The following ADGB variants were observed in gnomAD, a reference collection of about 807,000 sequenced individuals.
ADGB encodes calpain-7-like protein.
In ADGB, 172 loss-of-function variants were observed where a neutral mutation model predicts 210.5. The ratio of observed to expected loss-of-function variants is 0.82; its 90% CI spans 0.72 to 0.93. ADGB has a LOEUF of 0.93. Ranked by LOEUF, ADGB falls within the 40% of genes least tolerant of loss-of-function variation. ADGB has a pLI of 0.00. For missense variants in ADGB, 2,025 were observed against 1,964.8 expected (o/e 1.03, Z -0.58); for synonymous variants, 658 against 662.7 (o/e 0.99, Z 0.11).
In ADGB at chr6:146,767,561, G is replaced by A. The variant is rs149503000; in HGVS notation, c.3751-1459G>A. Among the ~76,000 whole-genome samples the A allele has an allele frequency of 3.8e-3, 579 of 152,040 alleles. 4 individuals are homozygous for A. Among genetic ancestry groups the A allele is most frequent in the African/African-American group, 0.013 (542 of 41,470 alleles). On this transcript the variant is annotated intron_variant, in intron 28 of 35. Coordinates refer to ENST00000397944, the MANE Select transcript of ADGB (RefSeq NM_024694.4). Reference sequence around the variant, plus strand: ...TCAGCTCACTGCAATCTCCACCTACGGGGTTCAAGTGATTCTCTCGTCTCA... The same window carrying A: ...TCAGCTCACTGCAATCTCCACCTACAGGGTTCAAGTGATTCTCTCGTCTCA...
chr6:146,709,668 GA>G (rs1364760410), intron 13 of ADGB, among the ~76,000 whole-genome samples: 2 of 152,174 alleles, frequency 1.3e-5, no homozygotes, highest in African/African-American at 2.4e-5. Flanking sequence ...GGGTGGCCTG[GA>G]CCCTAGGCCT....
At position 146,691,256 on chromosome 6, in the gene ADGB, A is replaced by G; in HGVS notation, c.1452A>G (p.Gln484=). Residue 484 remains glutamine (Q), a synonymous_variant, in exon 11 of 36, where the codon CAA becomes CAG. Transcript: ENST00000397944. ...TACCTCCCTGGAAACTCATTCGTCA[A>G]AAAAAGGAAACTGTTATAACAGATG... is the stretch of plus-strand genomic sequence containing the variant. The part of the protein sequence containing the change: ...PPLPPWKLIR[Q]KKETVITDEA... 2 of 1,547,766 alleles carry G rather than the reference A, an allele frequency of 1.3e-6. No individual in the cohort carries two copies. The highest frequency in any genetic ancestry group is 2.4e-5 in the South Asian group (2 of 83,848).
Position 146,736,558 on chromosome 6 carries a change from T to C in ADGB, c.2855T>C (p.Met952Thr). The C allele has an allele frequency of 6.5e-7, 1 of 1,549,728 alleles. No individual in the cohort carries two copies. The highest frequency in any genetic ancestry group is 1.2e-5 in the South Asian group (1 of 83,696). Residue 952 changes from methionine to threonine, a missense_variant, in exon 23 of 36, where the codon ATG becomes ACG. By Grantham distance (81) the Met-to-Thr change is moderately conservative. Coordinates refer to ENST00000397944, the MANE Select transcript of ADGB (RefSeq NM_024694.4). ...CAAAAAGTTTGGGCTGTATTGGAAA[T>C]GAATTTAGAACAGTATGCAGTTTCT... ...TLQKVWAVLE[M>T]NLEQYAVSLL...
At chr6:146,673,918 T>C (rs1325375578) in intron 8 of ADGB, among the ~76,000 whole-genome samples, 1 of 152,104 alleles carries the variant, frequency 6.6e-6, no homozygotes, top group Non-Finnish European at 1.5e-5. Flanking sequence ...AGTGAGCAGA[T>C]GAAGGAGGCT....
At chr6:146,811,509 C>G (rs1328035621) in intron 35 of ADGB, among the ~76,000 whole-genome samples, 1 of 149,854 alleles carries the variant, frequency 6.7e-6, no homozygotes, top group African/African-American at 2.4e-5. Flanking sequence ...CAAGTAGTAA[C>G]ATTATTATAT....
chr6:146,745,836 T>G lies in ADGB; in HGVS notation c.3178-86T>G, dbSNP rs963593809. 21 of 1,005,780 alleles carry G rather than the reference T, an allele frequency of 2.1e-5. No homozygotes were observed. In the Admixed American group the frequency reaches 3.5e-4, roughly 17 times the overall value. The allele number at this position is 1,005,780 out of a possible 1,614,324, so 62.3% of individuals were successfully genotyped here. On this transcript the variant is annotated intron_variant, in intron 25 of 35. Coordinates refer to ENST00000397944, the MANE Select transcript of ADGB (RefSeq NM_024694.4). Reference sequence around the variant, plus strand: ...GGGACCTGTAGGTATATCATAATAATAAGACATTTAGCACTATTAGATATT... The same window carrying G: ...GGGACCTGTAGGTATATCATAATAAGAAGACATTTAGCACTATTAGATATT...
At chr6:146,713,548 G>T (rs1019982454) in intron 13 of ADGB, among the ~76,000 whole-genome samples, 1 of 152,106 alleles carries the variant, frequency 6.6e-6, no homozygotes, top group African/African-American at 2.4e-5. Flanking sequence ...CCTTAGAAGG[G>T]TCTATTCAAA....
intron 25 of ADGB, among the ~76,000 whole-genome samples, chr6:146,743,311 G>A (rs1052680206): frequency 1.3e-4 from 19 of 151,948 alleles, no homozygotes; most frequent in African/African-American, 4.6e-4. Context: ...ACTTCATTTT[G>A]GAAGAGACCT....
At chr6:146,659,967 AAT>A (rs1775832933) in intron 5 of ADGB, among the ~76,000 whole-genome samples, 1 of 152,168 alleles carries the variant, frequency 6.6e-6, no homozygotes, top group Non-Finnish European at 1.5e-5. Context: ...AGTTGCCATC[AAT>A]ATGTTTATAT....
intron 3 of ADGB, 122 bp from the exon 4 acceptor site, chr6:146,654,013 G>T: frequency 2.0e-6 from 1 of 501,912 alleles, no homozygotes; most frequent in Non-Finnish European, 3.5e-6. Context: ...TCATTGCCAA[G>T]GTCTGATTGC....
rs1317440312 is a variant in ADGB, at chr6:146,733,943, T to C, written c.2707T>C (p.Ser903Pro). ...YCMPTSDKEY[S>P]AEEVAAAIKI... ...TATGCCCACAAGTGATAAAGAGTAT[T>C]CTGCTGAGGAAGTAGCAGCAGCAAT... The change falls in exon 22 of 36, where the codon TCT (serine) becomes CCT (proline). Residue 903 changes from serine (S) to proline (P), a missense_variant. Ser to Pro is a moderately conservative substitution (Grantham distance 74). Transcript: ENST00000397944. 1.9e-6 allele frequency: 3 copies of C among 1,551,650 alleles called. No individual in the cohort carries two copies. Among genetic ancestry groups the C allele is most frequent in the Admixed American group, 3.9e-5 (2 of 50,992 alleles).
At chr6:146,737,345 A>G (rs756676773) in intron 23 of ADGB, among the ~76,000 whole-genome samples, 48 of 152,342 alleles carry the variant, frequency 3.2e-4, no homozygotes, top group Admixed American at 7.8e-4. Context: ...AGAAGAGTTT[A>G]GTGAACTGGG....
intron 23 of ADGB, among the ~76,000 whole-genome samples, chr6:146,739,496 T>C (rs1777132195): frequency 6.6e-6 from 1 of 152,200 alleles, no homozygotes; most frequent in African/African-American, 2.4e-5. Flanking sequence ...TTAAAAGGCC[T>C]TTCAAACCCC....
intron 35 of ADGB, among the ~76,000 whole-genome samples, chr6:146,808,806 A>AT (rs200994029): frequency 3.3e-5 from 5 of 150,154 alleles, no homozygotes; most frequent in East Asian, 3.9e-4. Flanking sequence ...CATCCTCCTA[A>AT]TTTTTTTTTT....
intron 13 of ADGB, among the ~76,000 whole-genome samples, chr6:146,707,390 G>A (rs781154087): frequency 2.6e-5 from 4 of 152,004 alleles, no homozygotes; most frequent in Non-Finnish European, 5.9e-5. Context: ...GTTTTCTTTT[G>A]ATTTTTTGTC....
In ADGB at chr6:146,746,415, T is replaced by C. The variant is rs559944104; in HGVS notation, c.3365+306T>C. On this transcript the variant is annotated intron_variant, in intron 26 of 35. Transcript: ENST00000397944. ...TCTTCTGCTCCATCTCTGGCTAGTA[T>C]TTTGTGGGGGTTTAATCAACCAACT... Among the ~76,000 whole-genome samples, 70 of 152,294 alleles carry C rather than the reference T, an allele frequency of 4.6e-4. 1 individual carries two copies. Among genetic ancestry groups the C allele is most frequent in the East Asian group, 9.7e-4 (5 of 5,178 alleles).
At chr6:146,618,752 C>T (rs1780840437) in intron 1 of ADGB, among the ~76,000 whole-genome samples, 1 of 151,896 alleles carries the variant, frequency 6.6e-6, no homozygotes, top group Non-Finnish European at 1.5e-5. Flanking sequence ...TTTGATAAAA[C>T]TTCTTTTGTG....
intron 1 of ADGB, among the ~76,000 whole-genome samples, chr6:146,605,943 A>T (rs978959885): frequency 4.6e-5 from 7 of 152,266 alleles, no homozygotes; most frequent in Non-Finnish European, 7.4e-5. Context: ...TATACCCAGG[A>T]AAGGGATTTC....
At chr6:146,705,110 T>G (rs1776549125) in intron 13 of ADGB, among the ~76,000 whole-genome samples, 1 of 152,116 alleles carries the variant, frequency 6.6e-6, no homozygotes, top group African/African-American at 2.4e-5. Context: ...TTTACTGATT[T>G]CTATTTTTGT....
Sources: gnomAD v4.1 joint callset for allele counts (sites outside exome capture counted in the v4.1 genomes callset) on GRCh38, gnomAD v4.1.1 for gene constraint, MANE v1.5 for transcripts, NCBI Gene and HGNC (gene_info 2026-07-23, HGNC 2026-07-21) for gene names.